The following ADARB1 variants were observed in gnomAD, a reference collection of about 807,000 sequenced individuals.
ADARB1 encodes adenosine deaminase RNA specific B1.
ADARB1 carries 10 observed loss-of-function variants against 52.4 expected under a neutral mutation model. That is an observed-to-expected ratio of 0.19 (90% confidence interval 0.12 to 0.32). The LOEUF (loss-of-function observed/expected upper bound fraction) is 0.32, where lower values mean the gene tolerates loss of function less well. ADARB1 is among the 10% of genes least tolerant of loss of function. The probability of loss-of-function intolerance (pLI) is 1.00; values close to 1 mark genes in which losing one functional copy is unlikely to be tolerated. For missense variants in ADARB1, 643 were observed against 922.3 expected, an observed-to-expected ratio of 0.70 and a Z score of 3.92; for synonymous variants, 349 against 371.1, an observed-to-expected ratio of 0.94 and a Z score of 0.68.
chr21:45,077,564 G>A (rs1329868931), intron 1 of ADARB1, among the ~76,000 whole-genome samples: 1 of 152,106 alleles, frequency 6.6e-6, no homozygotes, highest in African/African-American at 2.4e-5. Flanking sequence ...CTACTTGGGA[G>A]GCTGAGGCAG....
intron 1 of ADARB1, among the ~76,000 whole-genome samples, chr21:45,124,502 G>A (rs2088434223): frequency 6.6e-6 from 1 of 151,730 alleles, no homozygotes; most frequent in African/African-American, 2.4e-5. Flanking sequence ...AGCCTTCTGA[G>A]TAGCTGTGAC....
chr21:45,107,886 AC>A (rs2087329693), intron 1 of ADARB1, among the ~76,000 whole-genome samples: 4 of 152,276 alleles, frequency 2.6e-5, no homozygotes, highest in Admixed American at 2.6e-4. Context: ...ACATGGCAAA[AC>A]CTATTTTTAC....
chr21:45,076,102 G>T (rs2085923202), intron 1 of ADARB1, among the ~76,000 whole-genome samples: 1 of 152,220 alleles, frequency 6.6e-6, no homozygotes. Context: ...AGATAGAAAA[G>T]CTAATTGTCT....
At chr21:45,115,839 G>A (rs536471603) in intron 1 of ADARB1, among the ~76,000 whole-genome samples, 1 of 152,288 alleles carries the variant, frequency 6.6e-6, no homozygotes, top group Admixed American at 6.5e-5. Context: ...GGGTCAAGGG[G>A]AGTTAGTGTC....
chr21:45,109,260 TGTGTGCACTGCGCGC>T (rs2087413594), intron 1 of ADARB1, among the ~76,000 whole-genome samples: 3 of 44,914 alleles, frequency 6.7e-5, no homozygotes, highest in Non-Finnish European at 1.2e-4. Context: ...TGTGCGTATG[TGTGTGCACTGCGCGC>T]GTGTGCGCGC....
Position 45,221,906 on chromosome 21 carries a change from T to C in ADARB1, c.1927-112T>C. On this transcript the variant is annotated intron_variant, in intron 10 of 10. Transcript: ENST00000348831. This position sits in a 1 kb window ranked among gnomAD's most constrained non-coding sequence, Gnocchi z 4.9. ...AGAAGGCGCCTTCCTCTGGGTTGCT[T>C]TCCCCCCAGAAGCCAATGCAGTTCT... is the stretch of plus-strand genomic sequence containing the variant. The C allele has an allele frequency of 2.5e-6, 3 of 1,220,614 alleles. No individual in the cohort carries two copies. Among genetic ancestry groups the C allele is most frequent in the Non-Finnish European group, 3.4e-6 (3 of 873,674 alleles). 75.6% of individuals were successfully genotyped at this position (1,220,614 alleles called of 1,614,324 possible). A position where few individuals can be genotyped will look rare whatever the true frequency, so the allele number is the denominator to read the frequency against.
At chr21:45,212,875 ATAAG>A (rs1204047139) in intron 9 of ADARB1, among the ~76,000 whole-genome samples, 2 of 152,242 alleles carry the variant, frequency 1.3e-5, no homozygotes, top group Non-Finnish European at 2.9e-5. Context: ...AACAAGAGAA[ATAAG>A]TAATGATAAA....
At chr21:45,144,841 T>C (rs1601580211) in intron 2 of ADARB1, 1 of 204,932 alleles carries the variant, frequency 4.9e-6, no homozygotes, top group Non-Finnish European at 1.0e-5. Flanking sequence ...CGGGAGAGTC[T>C]AAATTACTCT....
chr21:45,132,229 G>A (rs936370396), intron 2 of ADARB1: 1 of 152,238 alleles, frequency 6.6e-6, no homozygotes, highest in African/African-American at 2.4e-5. Flanking sequence ...CTGTCAGTGT[G>A]GTGTTGGGCC....
intron 2 of ADARB1, among the ~76,000 whole-genome samples, chr21:45,133,201 A>G (rs2089066130): frequency 6.6e-6 from 1 of 152,256 alleles, no homozygotes; most frequent in Non-Finnish European, 1.5e-5. Context: ...TGTATTGAGC[A>G]GGGGCTGCCG....
At chr21:45,141,403 A>T (rs373784618) in intron 2 of ADARB1, among the ~76,000 whole-genome samples, 16 of 152,362 alleles carry the variant, frequency 1.1e-4, no homozygotes, top group African/African-American at 3.8e-4. Context: ...GTAGCCAGTT[A>T]TAGAAAGCAT....
intron 1 of ADARB1, among the ~76,000 whole-genome samples, chr21:45,093,519 C>T (rs1010881885): frequency 1.3e-5 from 2 of 152,190 alleles, no homozygotes; most frequent in East Asian, 1.9e-4. Flanking sequence ...GTTTTTCTGC[C>T]GCCTCTTGCG....
intron 9 of ADARB1, among the ~76,000 whole-genome samples, chr21:45,213,892 C>T (rs1302346497): frequency 2.0e-5 from 3 of 152,150 alleles, no homozygotes; most frequent in Non-Finnish European, 4.4e-5. Flanking sequence ...TTCCATTTCT[C>T]TTTAGTAGAT....
At chr21:45,184,587 A>G (rs562796994) in intron 7 of ADARB1, 2 of 335,748 alleles carry the variant, frequency 6.0e-6, no homozygotes, top group Non-Finnish European at 1.2e-5. Flanking sequence ...AGGAGCTGGG[A>G]CTACAGGCAT....
intron 2 of ADARB1, chr21:45,137,183 T>C (rs1163627104): frequency 6.6e-6 from 1 of 152,166 alleles, no homozygotes; most frequent in African/African-American, 2.4e-5. Context: ...CACGTGTAGA[T>C]CCAGGACAAT....
intron 2 of ADARB1, among the ~76,000 whole-genome samples, chr21:45,160,132 G>C (rs1036826185): frequency 6.6e-6 from 1 of 152,182 alleles, no homozygotes; most frequent in African/African-American, 2.4e-5. Flanking sequence ...CAGGCCCATC[G>C]GGTAGGGGCT....
Position 45,224,101 on chromosome 21 carries a change from A to AAAACAC in ADARB1, c.*1905_*1910dup. The AAAACAC allele has an allele frequency of 2.0e-6, 2 of 985,432 alleles. No individual in the cohort carries two copies. The highest frequency in any genetic ancestry group is 9.4e-5 in the South Asian group (2 of 21,284). The allele number at this position is 985,432 out of a possible 1,614,324, so 61.0% of individuals were successfully genotyped here. A position where few individuals can be genotyped will look rare whatever the true frequency, so the allele number is the denominator to read the frequency against. ...AAGCAGGCTCTTGCACACTCTAGAAAAAACACCTTGTAAGTCTGTGCATTT... is the reference window on the plus strand; with the variant it reads ...AAGCAGGCTCTTGCACACTCTAGAAAAAACACAAACACCTTGTAAGTCTGTGCATTT... On this transcript the variant is annotated 3_prime_UTR_variant, in exon 11 of 11. Coordinates refer to ENST00000348831, the MANE Select transcript of ADARB1 (RefSeq NM_001112.4).
rs536903665 is a variant in ADARB1 at position 45,222,378 on chromosome 21, T to G, written c.*181T>G. The G allele has an allele frequency of 4.4e-5, 59 of 1,345,272 alleles. No individual in the cohort carries two copies. In the South Asian group the frequency reaches 1.1e-3, roughly 26 times the overall value. 83.3% of individuals were successfully genotyped at this position (1,345,272 alleles called of 1,614,324 possible). ...CATCAGACCTGGGGCAGGTGCGCAG[T>G]GTGGGGAGGGGATGGGGTGCGTCAG... On this transcript the variant is annotated 3_prime_UTR_variant, in exon 11 of 11. Transcript: ENST00000348831.
At position 45,211,740 on chromosome 21, in the gene ADARB1, G is replaced by A. The variant is rs9941839; in HGVS notation, c.1747+7004G>A. ...AATTTACAACAACAGAGGGATTCTC[G>A]TTACCAGCCAAGTTGTTCTTGCTTT... On this transcript the variant is annotated intron_variant, in intron 9 of 10. Transcript: ENST00000348831. Among the ~76,000 whole-genome samples, 235 of 152,310 alleles carry A rather than the reference G, an allele frequency of 1.5e-3. 1 individual carries two copies. Among genetic ancestry groups the A allele is most frequent in the African/African-American group, 5.3e-3 (222 of 41,556 alleles).
Sources: allele counts gnomAD v4.1 joint callset (sites outside exome capture counted in the v4.1 genomes callset), GRCh38; gene constraint gnomAD v4.1.1; non-coding constraint Gnocchi (gnomAD v3.1); transcripts MANE v1.5; gene names NCBI Gene and HGNC (gene_info 2026-07-23, HGNC 2026-07-21).